The following SEC23B variants were observed in gnomAD, a reference collection of about 807,000 sequenced individuals.
The protein encoded by SEC23B is SEC23 homolog B, COPII component.
In SEC23B, 77 loss-of-function variants were observed where a neutral mutation model predicts 104.3. The ratio of observed to expected loss-of-function variants is 0.74; its 90% CI spans 0.61 to 0.89. The LOEUF (loss-of-function observed/expected upper bound fraction) is 0.89, where lower values mean the gene tolerates loss of function less well. Ranked by LOEUF, SEC23B falls within the 40% of genes least tolerant of loss-of-function variation. The pLI is 0.00. For synonymous variants in SEC23B, 338 were observed against 332.5 expected (o/e 1.02, Z -0.18); for missense variants, 885 against 949.4 (o/e 0.93, Z 0.89).
Position 18,554,969 on chromosome 20 carries a change from ATT to A in SEC23B, c.2149-138_2149-137del. ...AAATAGATTACTGTGCAGTAAAACA[ATT>A]CTAATTAGATTACTGTGCAGTAAAA... is the stretch of plus-strand genomic sequence containing the variant. On this transcript the variant is annotated intron_variant, in intron 18 of 19. Coordinates refer to ENST00000650089, the MANE Select transcript of SEC23B (RefSeq NM_006363.6). 2.1e-4 allele frequency: 15 copies of A among 70,040 alleles called. 6 individuals are homozygous for A. The highest frequency in any genetic ancestry group is 6.2e-4 in the South Asian group (3 of 4,840). 4.3% of individuals were successfully genotyped at this position (70,040 alleles called of 1,614,324 possible).
intron 18 of SEC23B, among the ~76,000 whole-genome samples, chr20:18,554,862 T>G (rs1231153407): frequency 6.6e-6 from 1 of 151,064 alleles, no homozygotes; most frequent in Non-Finnish European, 1.5e-5. Context: ...AAAATGTGCT[T>G]ATGTAAAGGG....
At chr20:18,546,491 C>T (rs1259433844) in intron 15 of SEC23B, among the ~76,000 whole-genome samples, 3 of 152,222 alleles carry the variant, frequency 2.0e-5, no homozygotes, top group African/African-American at 4.8e-5. Flanking sequence ...AAAGTAACTG[C>T]ACTCTGCATG....
chr20:18,560,826 T>A lies in SEC23B; in HGVS notation c.*86T>A. The stretch of plus-strand genomic sequence containing the variant: ...CTTGATAACATTCCTGTTACTTTTC[T>A]AGCAGATTTTAACAAATAATCAAGG... On this transcript the variant is annotated 3_prime_UTR_variant, in exon 20 of 20. Transcript: ENST00000650089. The A allele has an allele frequency of 1.0e-6, 1 of 977,598 alleles. No homozygotes were observed. Among genetic ancestry groups the A allele is most frequent in the Non-Finnish European group, 1.7e-6 (1 of 601,648 alleles). 60.6% of individuals were successfully genotyped at this position (977,598 alleles called of 1,614,324 possible).
rs2060174930 is a variant in SEC23B at position 18,530,562 on chromosome 20, G to T, written c.1110-118G>T. 7 of 1,153,290 alleles carry T rather than the reference G, an allele frequency of 6.1e-6. No individual in the cohort carries two copies. In the South Asian group the frequency reaches 8.6e-5, roughly 14 times the overall value. The allele number at this position is 1,153,290 out of a possible 1,614,324, so 71.4% of individuals were successfully genotyped here. A position where few individuals can be genotyped will look rare whatever the true frequency, so the allele number is the denominator to read the frequency against. On this transcript the variant is annotated intron_variant, in intron 9 of 19. Transcript: ENST00000650089. ...TTTTTTTATATTTAAATTAATCAGT[G>T]GCTCTTTTGGGGACCTGGTTTCTTT...
chr20:18,555,222 T>TA, intron 19 of SEC23B, 49 bp downstream of exon 19: 1 of 1,451,970 alleles, frequency 6.9e-7, no homozygotes, highest in Non-Finnish European at 9.7e-7. Flanking sequence ...AGTTTTTTTT[T>TA]AAACTTGTTT....
intron 4 of SEC23B, chr20:18,516,040 C>G (rs1359498945): frequency 5.7e-6 from 2 of 353,222 alleles, no homozygotes; most frequent in Non-Finnish European, 1.1e-5. Context: ...TTATCCTTGA[C>G]CTCTCTCTTT....
chr20:18,559,969 AT>A (rs1288267961), intron 19 of SEC23B, among the ~76,000 whole-genome samples: 1 of 152,160 alleles, frequency 6.6e-6, no homozygotes. Flanking sequence ...CACTTTTCTA[AT>A]TATAACAGTA....
intron 12 of SEC23B, among the ~76,000 whole-genome samples, chr20:18,539,792 C>G (rs1326267941): frequency 6.6e-6 from 1 of 151,666 alleles, no homozygotes; most frequent in Non-Finnish European, 1.5e-5. Flanking sequence ...TTACAGGTGT[C>G]TGCCACCACA....
At chr20:18,513,310 T>C (rs1210105246) in intron 3 of SEC23B, among the ~76,000 whole-genome samples, 1 of 151,416 alleles carries the variant, frequency 6.6e-6, no homozygotes, top group African/African-American at 2.4e-5. Flanking sequence ...ATTGCGCCAC[T>C]GCACTTCAGC....
At chr20:18,515,500 A>G in intron 3 of SEC23B, 150 bp from the exon 4 acceptor site, 1 of 650,070 alleles carries the variant, frequency 1.5e-6, no homozygotes, top group East Asian at 3.0e-5. Context: ...TTGTATACAG[A>G]CAGGGTCTCA....
At chr20:18,512,422 A>G (rs1600225880) in intron 3 of SEC23B, 140 bp downstream of exon 3, 2 of 616,268 alleles carry the variant, frequency 3.2e-6, no homozygotes, top group South Asian at 4.1e-5. Flanking sequence ...TGTTAAGCAC[A>G]ATATTGAATT....
At chr20:18,525,195 T>C (rs1258617990) in intron 6 of SEC23B, among the ~76,000 whole-genome samples, 175 bp downstream of exon 6, 1 of 152,242 alleles carries the variant, frequency 6.6e-6, no homozygotes, top group Non-Finnish European at 1.5e-5. Flanking sequence ...ACCACTGTGC[T>C]CAATTGCTGT....
intron 4 of SEC23B, among the ~76,000 whole-genome samples, chr20:18,517,883 A>G (rs903968852): frequency 2.0e-5 from 3 of 152,192 alleles, no homozygotes; most frequent in Non-Finnish European, 2.9e-5. Flanking sequence ...GTATTAGAGG[A>G]CTAAGAATTG....
At chr20:18,536,824 G>C (rs1330820993) in intron 12 of SEC23B, among the ~76,000 whole-genome samples, 1 of 152,156 alleles carries the variant, frequency 6.6e-6, no homozygotes, top group Non-Finnish European at 1.5e-5. Flanking sequence ...ATTATGTCCT[G>C]TATTCTTACA....
chr20:18,548,460 C>T, intron 15 of SEC23B, 149 bp from the exon 16 acceptor site: 1 of 746,642 alleles, frequency 1.3e-6, no homozygotes, highest in Non-Finnish European at 2.3e-6. Context: ...TCCCTAGCCC[C>T]TGGTGCCCCC....
At chr20:18,556,726 G>A (rs1387988342) in intron 19 of SEC23B, among the ~76,000 whole-genome samples, 1 of 152,058 alleles carries the variant, frequency 6.6e-6, no homozygotes, top group South Asian at 2.1e-4. Context: ...GGCTGGGTGC[G>A]GTGGCTCACG....
intron 9 of SEC23B, among the ~76,000 whole-genome samples, chr20:18,529,843 G>A (rs945874095): frequency 2.0e-5 from 3 of 152,164 alleles, no homozygotes; most frequent in African/African-American, 4.8e-5. Flanking sequence ...TGAGATGGCC[G>A]GACCAGATGA....
chr20:18,555,995 G>A (rs1291322215), intron 19 of SEC23B, among the ~76,000 whole-genome samples: 1 of 151,404 alleles, frequency 6.6e-6, no homozygotes, highest in African/African-American at 2.4e-5. Flanking sequence ...ACGGGAGACG[G>A]TGACAGATCA....
intron 3 of SEC23B, among the ~76,000 whole-genome samples, chr20:18,513,720 G>A (rs1023745363): frequency 1.3e-5 from 2 of 152,212 alleles, no homozygotes; most frequent in Admixed American, 6.5e-5. Context: ...AGATTCAGAA[G>A]TATATAGAAA....
Sources: gnomAD v4.1 joint callset for allele counts (sites outside exome capture counted in the v4.1 genomes callset) on GRCh38, gnomAD v4.1.1 for gene constraint, MANE v1.5 for transcripts, NCBI Gene and HGNC (gene_info 2026-07-23, HGNC 2026-07-21) for gene names.